Variants in CHRNB3 observed in about 807,000 individuals in gnomAD.
CHRNB3 encodes the protein neuronal acetylcholine receptor subunit beta-3.
CHRNB3 carries 37 observed loss-of-function variants against 40.6 expected under a neutral mutation model. The observed-to-expected ratio is 0.91, with a 90% CI of 0.70 to 1.20. The LOEUF (loss-of-function observed/expected upper bound fraction) is 1.20, where lower values mean the gene tolerates loss of function less well. CHRNB3 is among the 50% of genes most tolerant of loss of function. The pLI, the probability that CHRNB3 is intolerant of heterozygous loss-of-function variation, is 0.00. For missense variants in CHRNB3, 505 were observed against 551.2 expected, an observed-to-expected ratio of 0.92 and a Z score of 0.84; for synonymous variants, 207 against 207.1, an observed-to-expected ratio of 1.00 and a Z score of 0.00.
At chr8:42,720,596 T>C (rs62518201) in intron 3 of CHRNB3, among the ~76,000 whole-genome samples, 8,710 of 152,202 alleles carry the variant, frequency 0.057, 333 homozygotes, top group Middle Eastern at 0.11. Flanking sequence ...GATAAGAGGT[T>C]GAGGCAGCTG....
At chr8:42,707,505 G>C (rs111889792) in intron 1 of CHRNB3, among the ~76,000 whole-genome samples, 2,107 of 152,336 alleles carry the variant, frequency 0.014, 24 homozygotes, top group Non-Finnish European at 0.021. Flanking sequence ...CTGCACCTGT[G>C]AATGGCCACT....
At chr8:42,726,959 C>A (rs930478624) in intron 3 of CHRNB3, among the ~76,000 whole-genome samples, 22 of 152,148 alleles carry the variant, frequency 1.4e-4, no homozygotes, top group African/African-American at 5.3e-4. Flanking sequence ...CCAAACTAAT[C>A]TGTATATTCA....
In CHRNB3 at chr8:42,732,469, C is replaced by A; in HGVS notation, c.1162C>A (p.Leu388Ile). The stretch of plus-strand genomic sequence containing the variant: ...ACAGCTTAGTGATGGAGAAAAAGTT[C>A]TAGTTGCTTTTTTGGAAAAAGCTGC... ...QKQLSDGEKV[L>I]VAFLEKAADS... is the part of the protein sequence containing the mutation. Residue 388 changes from leucine (L) to isoleucine (I), a missense_variant, in exon 5 of 6, where the codon CTA (leucine) becomes ATA (isoleucine). Physicochemically the swap from Leu to Ile is conservative, Grantham distance 5. Coordinates refer to ENST00000289957, the MANE Select transcript of CHRNB3 (RefSeq NM_000749.5). 1 of 1,612,326 alleles carries A rather than the reference C, an allele frequency of 6.2e-7. No individual in the cohort carries two copies. The highest frequency in any genetic ancestry group is 8.5e-7 in the Non-Finnish European group (1 of 1,179,718).
rs1470632922 is a variant in CHRNB3, at chr8:42,708,803, G to A, written c.139G>A (p.Val47Ile). The A allele has an allele frequency of 1.3e-5, 21 of 1,613,914 alleles. No homozygotes were observed. Among genetic ancestry groups the A allele is most frequent in the Admixed American group, 1.7e-5 (1 of 59,990 alleles). Reference sequence around the variant, plus strand: ...AGGTTATCAGAAATGGGTCCGCCCTGTATTACATTCTAATGACACCATAAA... The same window carrying A: ...AGGTTATCAGAAATGGGTCCGCCCTATATTACATTCTAATGACACCATAAA... The part of the protein sequence containing the change: ...FQGYQKWVRP[V>I]LHSNDTIKVY... Residue 47 changes from valine (V) to isoleucine (I), a missense_variant, in exon 2 of 6, where the codon GTA becomes ATA. Val to Ile is a conservative substitution (Grantham distance 29). Coordinates refer to ENST00000289957, the MANE Select transcript of CHRNB3 (RefSeq NM_000749.5).
At chr8:42,716,492 A>G (rs62516753) in intron 3 of CHRNB3, among the ~76,000 whole-genome samples, 8,707 of 152,122 alleles carry the variant, frequency 0.057, 330 homozygotes, top group Middle Eastern at 0.1. Flanking sequence ...GGCAGCAGAG[A>G]TACTGCTCCC....
chr8:42,712,926 A>C (rs1816042859), intron 3 of CHRNB3, among the ~76,000 whole-genome samples: 1 of 148,392 alleles, frequency 6.7e-6, no homozygotes, highest in Non-Finnish European at 1.5e-5. Flanking sequence ...CAGTGGCTCA[A>C]TCTCAGCTCG....
intron 3 of CHRNB3, among the ~76,000 whole-genome samples, chr8:42,712,183 G>C (rs927206480): frequency 2.4e-4 from 37 of 152,050 alleles, no homozygotes; most frequent in African/African-American, 8.7e-4. Context: ...AGTAGAGATG[G>C]GGTTTCACCA....
intron 3 of CHRNB3, among the ~76,000 whole-genome samples, chr8:42,725,319 A>G (rs1382612162): frequency 1.3e-5 from 2 of 151,332 alleles, no homozygotes; most frequent in African/African-American, 4.9e-5. Context: ...CAAACTCCTG[A>G]CCTCAGGTGA....
At chr8:42,720,950 G>T (rs1816210315) in intron 3 of CHRNB3, among the ~76,000 whole-genome samples, 1 of 152,238 alleles carries the variant, frequency 6.6e-6, no homozygotes, top group African/African-American at 2.4e-5. Context: ...GAAGGAAACT[G>T]GATCCAAGAA....
chr8:42,717,049 A>G (rs1361936976), intron 3 of CHRNB3, among the ~76,000 whole-genome samples: 2 of 152,060 alleles, frequency 1.3e-5, no homozygotes, highest in African/African-American at 4.8e-5. Flanking sequence ...CTTATTGGAT[A>G]GACCCCTGGA....
intron 3 of CHRNB3, among the ~76,000 whole-genome samples, chr8:42,718,776 G>A (rs1252696025): frequency 1.8e-4 from 27 of 151,836 alleles, no homozygotes; most frequent in Non-Finnish European, 5.9e-5. Flanking sequence ...TTGGCTCTGG[G>A]TTGTGGTTTA....
At chr8:42,736,213 A>C (rs898319260) in intron 5 of CHRNB3, among the ~76,000 whole-genome samples, 1 of 152,092 alleles carries the variant, frequency 6.6e-6, no homozygotes, top group Non-Finnish European at 1.5e-5. Context: ...TCCTATTCTG[A>C]TCAGGAATGT....
chr8:42,722,266 G>A (rs1816230070), intron 3 of CHRNB3, among the ~76,000 whole-genome samples: 1 of 152,066 alleles, frequency 6.6e-6, no homozygotes, highest in African/African-American at 2.4e-5. Context: ...CGGAGAGGCT[G>A]GGGCAGGAGA....
intron 3 of CHRNB3, among the ~76,000 whole-genome samples, chr8:42,716,781 C>T (rs1816116742): frequency 6.6e-6 from 1 of 152,014 alleles, no homozygotes; most frequent in African/African-American, 2.4e-5. Flanking sequence ...CCCGAGTCCC[C>T]GCCTCCAGAG....
In CHRNB3 at chr8:42,716,711, G is replaced by A. The variant is rs1320002216; in HGVS notation, c.249+6277G>A. Among the ~76,000 whole-genome samples the A allele has an allele frequency of 3.3e-5, 5 of 152,054 alleles. No individual in the cohort carries two copies. In the East Asian group the frequency reaches 9.6e-4, roughly 29 times the overall value. Reference sequence around the variant, plus strand: ...ACTGACATGGTGCCGTGGTGGCCCTGTCTTATGGAAAGCCGCCTCTGCCCG... The same window carrying A: ...ACTGACATGGTGCCGTGGTGGCCCTATCTTATGGAAAGCCGCCTCTGCCCG... On this transcript the variant is annotated intron_variant, in intron 3 of 5. Transcript: ENST00000289957.
intron 5 of CHRNB3, among the ~76,000 whole-genome samples, chr8:42,735,430 C>T (rs1335694548): frequency 1.3e-5 from 2 of 151,888 alleles, no homozygotes; most frequent in Non-Finnish European, 2.9e-5. Flanking sequence ...CCCAGTTACT[C>T]GGGAGGCTGA....
intron 1 of CHRNB3, among the ~76,000 whole-genome samples, chr8:42,708,498 A>ACACACAC (rs59049088): frequency 0.013 from 901 of 70,054 alleles, 11 homozygotes; most frequent in African/African-American, 0.029. Flanking sequence ...CACACACACA[A>ACACACAC]ACAAAATGTG....
At position 42,730,578 on chromosome 8, in the gene CHRNB3, T is replaced by C. The variant is rs370274047; in HGVS notation, c.250-16T>C. 6 of 1,470,806 alleles carry C rather than the reference T, an allele frequency of 4.1e-6. No homozygotes were observed. The African/African-American group carries it at 8.5e-5, about 21-fold the overall frequency. The allele number at this position is 1,470,806 out of a possible 1,614,324, so 91.1% of individuals were successfully genotyped here. On this transcript the variant is annotated splice_polypyrimidine_tract_variant and intron_variant, in intron 3 of 5. Transcript: ENST00000289957. ...GAACTTTCGGAATAAAATCACAGTGTACTAATTTCATGCAGGAATGGACAG... is the reference window on the plus strand; with the variant it reads ...GAACTTTCGGAATAAAATCACAGTGCACTAATTTCATGCAGGAATGGACAG...
chr8:42,703,102 G>A (rs993031399), intron 1 of CHRNB3, among the ~76,000 whole-genome samples: 11 of 151,878 alleles, frequency 7.2e-5, no homozygotes, highest in Non-Finnish European at 1.2e-4. Context: ...TTTCATTGAG[G>A]CTGAAATTGG....
Sources: gnomAD v4.1 joint callset for allele counts (sites outside exome capture counted in the v4.1 genomes callset) on GRCh38, gnomAD v4.1.1 for gene constraint, MANE v1.5 for transcripts, NCBI Gene and HGNC (gene_info 2026-07-23, HGNC 2026-07-21) for gene names.